Variants in NKAIN2 observed in about 807,000 individuals in gnomAD.
NKAIN2 encodes the protein sodium/potassium-transporting ATPase subunit beta-1-interacting protein 2.
NKAIN2 carries 14 observed loss-of-function variants against 32.6 expected under a neutral mutation model. The ratio of observed to expected loss-of-function variants is 0.43; its 90% confidence interval spans 0.28 to 0.67. The LOEUF (loss-of-function observed/expected upper bound fraction) is 0.67, where lower values mean the gene tolerates loss of function less well. NKAIN2 is among the 30% of genes least tolerant of loss of function. The pLI is 0.17. For missense variants in NKAIN2, 198 were observed against 258.3 expected, an observed-to-expected ratio of 0.77 and a Z score of 1.60; for synonymous variants, 80 against 87.2, an observed-to-expected ratio of 0.92 and a Z score of 0.46.
chr6:124,306,376 A>G (rs1339379756), intron 2 of NKAIN2, among the ~76,000 whole-genome samples: 1 of 152,138 alleles, frequency 6.6e-6, no homozygotes, highest in Non-Finnish European at 1.5e-5. Flanking sequence ...TATATATCTG[A>G]TATACATTAG....
intron 1 of NKAIN2, among the ~76,000 whole-genome samples, chr6:124,266,202 A>G (rs893221133): frequency 3.9e-5 from 6 of 152,342 alleles, no homozygotes; most frequent in African/African-American, 1.2e-4. Context: ...ATAATTTCCT[A>G]TAAGTTTTCT....
intron 3 of NKAIN2, among the ~76,000 whole-genome samples, chr6:124,424,417 A>G (rs1384156048): frequency 6.6e-6 from 1 of 151,904 alleles, no homozygotes; most frequent in Admixed American, 6.6e-5. Flanking sequence ...TGATAAGTAC[A>G]CTTAATATCT....
chr6:124,718,368 A>G (rs1179316869), intron 4 of NKAIN2, among the ~76,000 whole-genome samples: 1 of 152,154 alleles, frequency 6.6e-6, no homozygotes, highest in Non-Finnish European at 1.5e-5. Flanking sequence ...TATTTAGCAT[A>G]ATATTTTCAA....
At chr6:123,970,107 A>G (rs1209978035) in intron 1 of NKAIN2, among the ~76,000 whole-genome samples, 4 of 139,464 alleles carry the variant, frequency 2.9e-5, no homozygotes, top group Non-Finnish European at 6.4e-5. Context: ...TGATTATTAA[A>G]TGGATATATA....
At chr6:123,849,038 A>G (rs1294023330) in intron 1 of NKAIN2, among the ~76,000 whole-genome samples, 2 of 152,208 alleles carry the variant, frequency 1.3e-5, no homozygotes, top group Admixed American at 6.5e-5. Context: ...CTATAAGCCC[A>G]TTATCTTGAC....
chr6:124,492,550 G>A (rs953542162), intron 3 of NKAIN2, among the ~76,000 whole-genome samples: 1 of 151,762 alleles, frequency 6.6e-6, no homozygotes, highest in Non-Finnish European at 1.5e-5. Flanking sequence ...GCACCATTAG[G>A]ACTAAAGTCA....
At chr6:124,573,872 G>A (rs747593821) in intron 3 of NKAIN2, among the ~76,000 whole-genome samples, 2 of 152,144 alleles carry the variant, frequency 1.3e-5, no homozygotes, top group African/African-American at 2.4e-5. Context: ...GTCAGGCTGC[G>A]TGGAAAAACC....
At chr6:124,255,464 C>A (rs1013288836) in intron 1 of NKAIN2, among the ~76,000 whole-genome samples, 1 of 152,152 alleles carries the variant, frequency 6.6e-6, no homozygotes, top group Non-Finnish European at 1.5e-5. Context: ...AAAGATAATA[C>A]GCATGTTAAT....
chr6:124,690,195 T>C (rs1287764138), intron 4 of NKAIN2, among the ~76,000 whole-genome samples: 2 of 152,140 alleles, frequency 1.3e-5, no homozygotes, highest in East Asian at 3.8e-4. Context: ...ATGTATTTCA[T>C]TTTTGTGGTG....
chr6:123,857,351 T>C (rs1469450884), intron 1 of NKAIN2, among the ~76,000 whole-genome samples: 1 of 152,096 alleles, frequency 6.6e-6, no homozygotes, highest in East Asian at 1.9e-4. Flanking sequence ...TAGTCTGTAA[T>C]GGTTCCTAAG....
chr6:123,828,180 A>G (rs760669830), intron 1 of NKAIN2, among the ~76,000 whole-genome samples: 4 of 152,038 alleles, frequency 2.6e-5, no homozygotes, highest in Admixed American at 6.6e-5. Context: ...TAGGCTTATC[A>G]TGATTTTTCT....
At chr6:124,080,945 TGC>T (rs1238874172) in intron 1 of NKAIN2, among the ~76,000 whole-genome samples, 2 of 152,170 alleles carry the variant, frequency 1.3e-5, no homozygotes, top group Non-Finnish European at 2.9e-5. Context: ...CTAACTCGCC[TGC>T]ATAGGTATAA....
chr6:124,074,321 G>A (rs556396898), intron 1 of NKAIN2, among the ~76,000 whole-genome samples: 1 of 151,868 alleles, frequency 6.6e-6, no homozygotes, highest in East Asian at 1.9e-4. Context: ...ATATTATTTT[G>A]TTCGTAAAAT....
At chr6:124,617,263 G>A (rs1185172075) in intron 3 of NKAIN2, among the ~76,000 whole-genome samples, 2 of 152,122 alleles carry the variant, frequency 1.3e-5, no homozygotes, top group African/African-American at 2.4e-5. Context: ...CTCTTTCTCC[G>A]AGATTCAAAG....
chr6:124,364,399 C>T (rs1799429933), intron 3 of NKAIN2, among the ~76,000 whole-genome samples: 1 of 151,900 alleles, frequency 6.6e-6, no homozygotes, highest in Non-Finnish European at 1.5e-5. Flanking sequence ...TTAGTAACAT[C>T]AACCCACAGA....
intron 4 of NKAIN2, among the ~76,000 whole-genome samples, chr6:124,712,589 G>T (rs1049260014): frequency 1.4e-5 from 2 of 144,738 alleles, no homozygotes; most frequent in East Asian, 4.0e-4. Context: ...TTCCAGGTGC[G>T]TCCGTCACCC....
intron 3 of NKAIN2, among the ~76,000 whole-genome samples, chr6:124,409,994 G>A (rs1188666555): frequency 6.6e-6 from 1 of 152,166 alleles, no homozygotes; most frequent in African/African-American, 2.4e-5. Context: ...GGTGTTTATA[G>A]TATTCTCTGA....
chr6:124,689,737 G>A (rs1765665), intron 4 of NKAIN2, among the ~76,000 whole-genome samples: 69,005 of 151,844 alleles, frequency 0.45, 15,975 homozygotes, highest in African/African-American at 0.55. Context: ...CTATTGCTTC[G>A]TCTTTGTTTC....
chr6:124,208,441 A>G (rs1305170879), intron 1 of NKAIN2, among the ~76,000 whole-genome samples: 1 of 151,820 alleles, frequency 6.6e-6, no homozygotes, highest in East Asian at 1.9e-4. Context: ...TGGCATCATA[A>G]CTGAACAATA....
Sources: gnomAD v4.1 joint callset for allele counts (sites outside exome capture counted in the v4.1 genomes callset) on GRCh38, gnomAD v4.1.1 for gene constraint, MANE v1.5 for transcripts, NCBI Gene and HGNC (gene_info 2026-07-23, HGNC 2026-07-21) for gene names.